PRPF8: variants seen among roughly 807,000 people sequenced by gnomAD.
PRPF8 encodes the protein pre-mRNA-processing-splicing factor 8.
Under a neutral mutation model 285.9 loss-of-function variants are expected in PRPF8, and 64 were observed. That is an observed-to-expected ratio of 0.22 (90% CI 0.18 to 0.28). The LOEUF (loss-of-function observed/expected upper bound fraction) is 0.28, where lower values mean the gene tolerates loss of function less well. Among genes scored for constraint, PRPF8 ranks in the 10% least tolerant of loss-of-function variants. The pLI is 1.00. For missense variants in PRPF8, 1,426 were observed against 3,026.7 expected (o/e 0.47, Z 12.41); for synonymous variants, 1,325 against 1,118.2 (o/e 1.18, Z -3.69).
At chr17:1,683,487 G>C (rs1428649597) in intron 3 of PRPF8, 46 bp downstream of exon 3, 2 of 1,609,314 alleles carry the variant, frequency 1.2e-6, no homozygotes, top group Non-Finnish European at 1.7e-6. Flanking sequence ...AGGGAGAAGG[G>C]AAAAGGGCCA....
rs959898837 is a variant in PRPF8, at chr17:1,657,957, C to A, written c.5505+296G>T. On this transcript the variant is annotated intron_variant, in intron 34 of 42. Coordinates refer to ENST00000304992, the MANE Select transcript of PRPF8 (RefSeq NM_006445.4). ...CTGTGCTCCAGCCTGGGCCACACAG[C>A]GAGACTCCGGCTAAAAAAAAAAAAA... Among the ~76,000 whole-genome samples the A allele has an allele frequency of 2.2e-5, 3 of 136,550 alleles. No individual in the cohort carries two copies. In the South Asian group the frequency reaches 6.8e-4, roughly 31 times the overall value. The allele number at this position is 136,550 out of a possible 152,430, so 89.6% of individuals were successfully genotyped here.
intron 24 of PRPF8, among the ~76,000 whole-genome samples, chr17:1,672,319 G>A (rs976596716): frequency 2.0e-5 from 3 of 152,066 alleles, no homozygotes; most frequent in Non-Finnish European, 2.9e-5. Context: ...TTGCTCTGTC[G>A]CCCAGGCTAG....
rs1018467066 is a variant in PRPF8, at chr17:1,651,142, G to C, written c.6819C>G (p.Val2273=). 1.2e-6 allele frequency: 2 copies of C among 1,614,128 alleles called. No homozygotes were observed. Among genetic ancestry groups the C allele is most frequent in the Non-Finnish European group, 1.7e-6 (2 of 1,180,022 alleles). The change falls in exon 42 of 43, where the codon GTC becomes GTG. Residue 2273 remains valine (V), a synonymous_variant. Transcript: ENST00000304992. The surrounding 1 kb of genome is among the most constrained non-coding windows in gnomAD (Gnocchi z 5.1). ...TGTAGTTCCACGAGGACTGGGCAGG[G>C]ACCATGAAGAAGCCAAGGAAACGGT... ...LSDRFLGFFM[V]PAQSSWNYNF...
At position 1,677,032 on chromosome 17, in the gene PRPF8, T is replaced by C. The variant is rs748971059; in HGVS notation, c.2125A>G (p.Ile709Val). 1.2e-6 allele frequency: 2 copies of C among 1,613,906 alleles called. No individual in the cohort carries two copies. The highest frequency in any genetic ancestry group is 1.7e-6 in the Non-Finnish European group (2 of 1,179,994). Residue 709 changes from isoleucine (I) to valine (V), a missense_variant, in exon 15 of 43, where the codon ATC (isoleucine) becomes GTC (valine). This residue lies in a region of PRPF8 where 30 missense variants were observed against 61.0 expected (regional missense o/e 0.49). Transcript: ENST00000304992. Reference sequence around the variant, plus strand: ...CAGGCTTCACTGAGGTGCTGCAGGATTGTCCGGGCCTTGTTCTGCTTGATC... The same window carrying C: ...CAGGCTTCACTGAGGTGCTGCAGGACTGTCCGGGCCTTGTTCTGCTTGATC... Reference protein sequence around the residue: ...EGIKQNKARTILQHLSEAWRC... With the variant: ...EGIKQNKARTVLQHLSEAWRC...
Position 1,655,492 on chromosome 17 carries a change from G to C in PRPF8, c.5845C>G (p.Arg1949Gly). The C allele has an allele frequency of 6.2e-7, 1 of 1,613,990 alleles. No homozygotes were observed. Among genetic ancestry groups the C allele is most frequent in the East Asian group, 2.2e-5 (1 of 44,886 alleles). The change falls in exon 37 of 43, where the codon CGG becomes GGG. Residue 1949 changes from arginine to glycine, a missense_variant. By Grantham distance (125) the Arg-to-Gly change is moderately radical. Around this residue, in one of 34 missense-constraint regions of PRPF8, gnomAD observed 35 missense variants for 47.7 expected, o/e 0.73. Coordinates refer to ENST00000304992, the MANE Select transcript of PRPF8 (RefSeq NM_006445.4). ...TCTGGCTTCAGGATCACTTTTGCCC[G>C]ATCGTTGTTCACATGTAGGGCACGC... ...ILRALHVNNDRAKVILKPDKT... is the reference protein window; with the variant it reads ...ILRALHVNNDGAKVILKPDKT...
intron 3 of PRPF8, among the ~76,000 whole-genome samples, chr17:1,682,631 C>T (rs1461016457): frequency 6.6e-6 from 1 of 152,218 alleles, no homozygotes; most frequent in East Asian, 1.9e-4. Context: ...TTCACTATCA[C>T]CAGTTGTCTC....
At chr17:1,681,712 C>T (rs376131867) in intron 5 of PRPF8, 22 bp from the exon 6 acceptor site, 1 of 1,612,812 alleles carries the variant, frequency 6.2e-7, no homozygotes, top group East Asian at 2.2e-5. Context: ...ATGAAAGGCC[C>T]ACCTCAAGTA....
chr17:1,675,191 G>A lies in PRPF8; in HGVS notation c.3021C>T (p.Asp1007=). ...CGACGTTGTTCTTGGCTGTCATGTA[G>A]TCGGCTATGTTGTGGTCCACGATGA... The part of the protein sequence containing the change: ...LRLIVDHNIA[D]YMTAKNNVVI... The change falls in exon 20 of 43, where the codon GAC becomes GAT. Residue 1007 remains aspartate, a synonymous_variant. Transcript: ENST00000304992. The surrounding 1 kb of genome is among the most constrained non-coding windows in gnomAD (Gnocchi z 6.0). The A allele has an allele frequency of 3.1e-6, 5 of 1,614,114 alleles. No homozygotes were observed. The highest frequency in any genetic ancestry group is 4.2e-6 in the Non-Finnish European group (5 of 1,180,042).
At position 1,661,419 on chromosome 17, in the gene PRPF8, G is replaced by A. The variant is rs773940528; in HGVS notation, c.4203-13C>T. ...TAAAGTCAGGCGTCTTCCAAAAAAA[G>A]AAAGATTCAAGTCAAAACGTGATCT... On this transcript the variant is annotated splice_polypyrimidine_tract_variant and intron_variant, in intron 26 of 42. Transcript: ENST00000304992. This position sits in a 1 kb window ranked among gnomAD's most constrained non-coding sequence, Gnocchi z 7.3. 8 of 1,614,024 alleles carry A rather than the reference G, an allele frequency of 5.0e-6. No homozygotes were observed. Among genetic ancestry groups the A allele is most frequent in the South Asian group, 2.2e-5 (2 of 91,094 alleles).
At position 1,650,699 on chromosome 17, in the gene PRPF8, G is replaced by C; in HGVS notation, c.*103C>G. 1 of 1,373,194 alleles carries C rather than the reference G, an allele frequency of 7.3e-7. No individual in the cohort carries two copies. Among genetic ancestry groups the C allele is most frequent in the Non-Finnish European group, 1.0e-6 (1 of 963,838 alleles). 85.1% of individuals were successfully genotyped at this position (1,373,194 alleles called of 1,614,324 possible). A position where few individuals can be genotyped will look rare whatever the true frequency, so the allele number is the denominator to read the frequency against. On this transcript the variant is annotated 3_prime_UTR_variant, in exon 43 of 43. Coordinates refer to ENST00000304992, the MANE Select transcript of PRPF8 (RefSeq NM_006445.4). ...AGCCATCAGGAGGTCAACAACACAA[G>C]CACAGACAGAGGGAAAGAGGCCAAA... is the stretch of plus-strand genomic sequence containing the variant.
chr17:1,669,153 C>G (rs1912165545), intron 24 of PRPF8, among the ~76,000 whole-genome samples: 1 of 152,190 alleles, frequency 6.6e-6, no homozygotes, highest in Non-Finnish European at 1.5e-5. Flanking sequence ...GTCGCCGAGG[C>G]TGGGGTGCAG....
Position 1,673,573 on chromosome 17 carries a change from C to G in PRPF8, c.3447-6G>C, listed in dbSNP as rs767770573. The G allele has an allele frequency of 1.2e-6, 2 of 1,614,032 alleles. No individual in the cohort carries two copies. Among genetic ancestry groups the G allele is most frequent in the Non-Finnish European group, 1.7e-6 (2 of 1,180,028 alleles). On this transcript the variant is annotated splice_polypyrimidine_tract_variant and splice_region_variant and intron_variant, in intron 22 of 42. Coordinates refer to ENST00000304992, the MANE Select transcript of PRPF8 (RefSeq NM_006445.4). This position sits in a 1 kb window ranked among gnomAD's most constrained non-coding sequence, Gnocchi z 5.5. The stretch of plus-strand genomic sequence containing the variant: ...CCCAGAATACCGCCCGGCCTCTGCC[C>G]ACAGAGAACACATGGTCACAGCAGT...
Position 1,661,829 on chromosome 17 carries a change from G to T in PRPF8, c.4023-39C>A, listed in dbSNP as rs1324661649. On this transcript the variant is annotated intron_variant, in intron 25 of 42. Coordinates refer to ENST00000304992, the MANE Select transcript of PRPF8 (RefSeq NM_006445.4). This position sits in a 1 kb window ranked among gnomAD's most constrained non-coding sequence, Gnocchi z 7.3. ...CAACCAAGATTACAGAAAAAATAAAGCCTAAAACTAAAGAAATACCCACTT... is the reference window on the plus strand; with the variant it reads ...CAACCAAGATTACAGAAAAAATAAATCCTAAAACTAAAGAAATACCCACTT... 1 of 1,614,058 alleles carries T rather than the reference G, an allele frequency of 6.2e-7. No homozygotes were observed. Among genetic ancestry groups the T allele is most frequent in the Admixed American group, 1.7e-5 (1 of 59,996 alleles).
chr17:1,669,544 A>G (rs1011495440), intron 24 of PRPF8, among the ~76,000 whole-genome samples: 19 of 152,144 alleles, frequency 1.2e-4, no homozygotes, highest in African/African-American at 4.6e-4. Flanking sequence ...CTTCTCTTCA[A>G]CTGACAAACA....
At chr17:1,678,086 G>A (rs778741042) in intron 13 of PRPF8, among the ~76,000 whole-genome samples, 1 of 152,264 alleles carries the variant, frequency 6.6e-6, no homozygotes, top group South Asian at 2.1e-4. Flanking sequence ...AGGCCGAGGA[G>A]TGTGGATCAC....
At position 1,656,411 on chromosome 17, in the gene PRPF8, T is replaced by C; in HGVS notation, c.5774A>G (p.Lys1925Arg). 3.7e-6 allele frequency: 6 copies of C among 1,614,222 alleles called. No homozygotes were observed. Among genetic ancestry groups the C allele is most frequent in the Non-Finnish European group, 5.1e-6 (6 of 1,180,044 alleles). Residue 1925 changes from lysine (K) to arginine (R), a missense_variant, in exon 36 of 43, where the codon AAG becomes AGG. By Grantham distance (26) the Lys-to-Arg change is conservative. This residue lies in a region of PRPF8 where 29 missense variants were observed against 86.4 expected (regional missense o/e 0.34). Coordinates refer to ENST00000304992, the MANE Select transcript of PRPF8 (RefSeq NM_006445.4). ...TCATACCGTGTAAGATGAAATAGTC[T>C]TGAGCCAGTCGTCATAGAGGTTGAA... ...VLFNLYDDWLKTISSYTAFSR... is the reference protein window; with the variant it reads ...VLFNLYDDWLRTISSYTAFSR...
At chr17:1,677,724 A>G in intron 13 of PRPF8, 30 bp from the exon 14 acceptor site, 4 of 1,613,716 alleles carry the variant, frequency 2.5e-6, no homozygotes, top group Non-Finnish European at 3.4e-6. Flanking sequence ...TTAAGAATAC[A>G]AGTTAGCAAT....
rs58919772 is a variant in PRPF8, at chr17:1,679,503, G to GA, written c.1290-94dup. 0.014 allele frequency: 18,632 copies of GA among 1,336,926 alleles called. 1 individual carries two copies. Among genetic ancestry groups the GA allele is most frequent in the Non-Finnish European group, 0.016 (15,507 of 967,590 alleles). The allele number at this position is 1,336,926 out of a possible 1,614,324, so 82.8% of individuals were successfully genotyped here. The stretch of plus-strand genomic sequence containing the variant: ...CTTGGGTTGTCTACCATTTTTATGG[G>GA]AAAAAAAAAAAAAGAATTTAAAAAA... On this transcript the variant is annotated intron_variant, in intron 9 of 42. Transcript: ENST00000304992. This position sits in a 1 kb window ranked among gnomAD's most constrained non-coding sequence, Gnocchi z 4.7.
intron 24 of PRPF8, among the ~76,000 whole-genome samples, chr17:1,668,562 C>T (rs1265377234): frequency 1.3e-5 from 2 of 151,860 alleles, no homozygotes; most frequent in Non-Finnish European, 2.9e-5. Flanking sequence ...CGGGGTTTCA[C>T]CGCGTTAGCC....
Sources: gnomAD v4.1 joint callset for allele counts (sites outside exome capture counted in the v4.1 genomes callset) on GRCh38, gnomAD v4.1.1 for gene constraint, gnomAD v4.1.1 regional missense constraint, Gnocchi (gnomAD v3.1) non-coding constraint, MANE v1.5 for transcripts, NCBI Gene and HGNC (gene_info 2026-07-23, HGNC 2026-07-21) for gene names.